CHMP3: variants seen among roughly 807,000 people sequenced by gnomAD.
The protein encoded by CHMP3 is charged multivesicular body protein 3.
In CHMP3, 8 loss-of-function variants were observed where a neutral mutation model predicts 27.4. The observed-to-expected ratio is 0.29, with a 90% CI of 0.17 to 0.53. The LOEUF (loss-of-function observed/expected upper bound fraction) is 0.53, where lower values mean the gene tolerates loss of function less well. Ranked by LOEUF, CHMP3 falls within the 20% of genes least tolerant of loss-of-function variation. The probability of loss-of-function intolerance (pLI) is 0.96; values close to 1 mark genes in which losing one functional copy is unlikely to be tolerated. For synonymous variants in CHMP3, 86 were observed against 85.5 expected, an observed-to-expected ratio of 1.01 and a Z score of -0.03; for missense variants, 208 against 271.5, an observed-to-expected ratio of 0.77 and a Z score of 1.64.
chr2:86,563,200 G>A (rs1573319363), intron 1 of CHMP3, 104 bp downstream of exon 1: 10 of 1,374,316 alleles, frequency 7.3e-6, no homozygotes, highest in Non-Finnish European at 1.0e-5. Flanking sequence ...TGGGGGCCGG[G>A]CGGTATCGGG....
intron 3 of CHMP3, 116 bp from the exon 4 acceptor site, chr2:86,510,595 T>TTGTGTGCC: frequency 7.2e-7 from 1 of 1,390,400 alleles, no homozygotes. Flanking sequence ...CCGAAGTTAT[T>TTGTGTGCC]TGTGTGCCTT....
At chr2:86,520,121 A>C (rs1444856036) in intron 3 of CHMP3, among the ~76,000 whole-genome samples, 1 of 152,248 alleles carries the variant, frequency 6.6e-6, no homozygotes, top group Non-Finnish European at 1.5e-5. Context: ...TGAGGCCAAG[A>C]CAAAGAAATT....
chr2:86,549,632 A>T (rs1321376220), intron 1 of CHMP3, among the ~76,000 whole-genome samples: 2 of 148,878 alleles, frequency 1.3e-5, no homozygotes, highest in Non-Finnish European at 3.0e-5. Flanking sequence ...CTCACCTCCC[A>T]GACGGGGCGG....
At chr2:86,545,349 G>A (rs529260630) in intron 1 of CHMP3, among the ~76,000 whole-genome samples, 17 of 117,200 alleles carry the variant, frequency 1.5e-4, no homozygotes, top group Non-Finnish European at 2.5e-4. Flanking sequence ...GACGAAGGGC[G>A]GCCGGGCAGA....
At chr2:86,549,847 G>C (rs957098885) in intron 1 of CHMP3, among the ~76,000 whole-genome samples, 1 of 130,804 alleles carries the variant, frequency 7.6e-6, no homozygotes, top group Non-Finnish European at 1.6e-5. Context: ...GGCGCTCCTC[G>C]CCTCCCAGAT....
chr2:86,517,565 CA>C (rs70956116), intron 3 of CHMP3, among the ~76,000 whole-genome samples: 16,454 of 89,700 alleles, frequency 0.18, 816 homozygotes, highest in South Asian at 0.32. Context: ...GACTCCGTCT[CA>C]AAAAAAAAAA....
chr2:86,561,667 C>G (rs1677375588), intron 1 of CHMP3: 1 of 152,184 alleles, frequency 6.6e-6, no homozygotes, highest in African/African-American at 2.4e-5. Flanking sequence ...GTTTTAAAAA[C>G]CAATCTCATG....
Position 86,506,217 on chromosome 2 carries a change from T to A in CHMP3, c.524-268A>T, listed in dbSNP as rs564276202. On this transcript the variant is annotated intron_variant, in intron 5 of 5. Coordinates refer to ENST00000263856, the MANE Select transcript of CHMP3 (RefSeq NM_016079.4). ...TAAATGCTACTGAAAACTTTAAATC[T>A]TCTTTCTGAATAAAACTAAATTGTT... Among the ~76,000 whole-genome samples, 7 of 152,334 alleles carry A rather than the reference T, an allele frequency of 4.6e-5. No homozygotes were observed. In the East Asian group the frequency reaches 9.6e-4, roughly 21 times the overall value.
intron 3 of CHMP3, chr2:86,511,442 A>T (rs1675103491): frequency 6.6e-6 from 1 of 152,194 alleles, no homozygotes; most frequent in African/African-American, 2.4e-5. Context: ...TAATATTAGT[A>T]GAATGACAGA....
At chr2:86,544,952 ACGGGGCGGCCGGGCAGAGGCG>A (rs1676509377) in intron 1 of CHMP3, among the ~76,000 whole-genome samples, 1 of 132,464 alleles carries the variant, frequency 7.5e-6, no homozygotes, top group East Asian at 2.4e-4. Flanking sequence ...CACTTCCTAG[ACGGGGCGGCCGGGCAGAGGCG>A]CTCCTCACCT....
At chr2:86,542,333 G>A in intron 1 of CHMP3, 21 bp from the exon 2 acceptor site, 1 of 1,611,358 alleles carries the variant, frequency 6.2e-7, no homozygotes, top group Non-Finnish European at 8.5e-7. Context: ...TTTTAGAAAA[G>A]GAATGAGGAG....
At chr2:86,517,206 A>T (rs1335315998) in intron 3 of CHMP3, among the ~76,000 whole-genome samples, 1 of 152,252 alleles carries the variant, frequency 6.6e-6, no homozygotes, top group Non-Finnish European at 1.5e-5. Flanking sequence ...TGCATAAAAC[A>T]ATTTCTGCTA....
At chr2:86,529,468 G>T in intron 2 of CHMP3, 71 bp from the exon 3 acceptor site, 1 of 1,408,172 alleles carries the variant, frequency 7.1e-7, no homozygotes, top group Non-Finnish European at 9.4e-7. Context: ...CATTCTTATT[G>T]TGATCTAAAT....
chr2:86,544,716 C>T (rs1676498050), intron 1 of CHMP3, among the ~76,000 whole-genome samples: 1 of 152,220 alleles, frequency 6.6e-6, no homozygotes, highest in African/African-American at 2.4e-5. Context: ...TAGTACAGAA[C>T]AAAATGGAGT....
At chr2:86,544,286 T>C (rs938895983) in intron 1 of CHMP3, among the ~76,000 whole-genome samples, 6 of 152,196 alleles carry the variant, frequency 3.9e-5, no homozygotes, top group Non-Finnish European at 8.8e-5. Context: ...AATTTTTTTA[T>C]GATAGCTGTC....
At chr2:86,525,947 C>T (rs1317898252) in intron 3 of CHMP3, among the ~76,000 whole-genome samples, 2 of 151,994 alleles carry the variant, frequency 1.3e-5, no homozygotes, top group African/African-American at 4.8e-5. Context: ...CATTTAAAGG[C>T]ATGGGGTTAG....
At chr2:86,523,995 G>C (rs1323061959) in intron 3 of CHMP3, among the ~76,000 whole-genome samples, 3 of 152,100 alleles carry the variant, frequency 2.0e-5, no homozygotes, top group Non-Finnish European at 4.4e-5. Flanking sequence ...AGACAAAATT[G>C]ATCATGATAA....
chr2:86,553,329 G>A (rs545002786), intron 1 of CHMP3, among the ~76,000 whole-genome samples: 1 of 152,168 alleles, frequency 6.6e-6, no homozygotes, highest in South Asian at 2.1e-4. Flanking sequence ...GAAAGCAGGG[G>A]ATATTTATTT....
Position 86,539,312 on chromosome 2 carries a change from AACACTTTAT to A in CHMP3, c.106+2931_106+2939del, listed in dbSNP as rs1165331220. Among the ~76,000 whole-genome samples the A allele has an allele frequency of 7.2e-5, 11 of 152,244 alleles. No individual in the cohort carries two copies. In the South Asian group the frequency reaches 2.3e-3, roughly 32 times the overall value. ...CTACTGCATGCCAGGTACTGTCCTA[AACACTTTAT>A]ACATATTCACAGACTTAACTGTCAC... On this transcript the variant is annotated intron_variant, in intron 2 of 5. Coordinates refer to ENST00000263856, the MANE Select transcript of CHMP3 (RefSeq NM_016079.4).
Sources: gnomAD v4.1 joint callset for allele counts (sites outside exome capture counted in the v4.1 genomes callset) on GRCh38, gnomAD v4.1.1 for gene constraint, MANE v1.5 for transcripts, NCBI Gene and HGNC (gene_info 2026-07-23, HGNC 2026-07-21) for gene names.